Variants in KIDINS220 observed in about 807,000 individuals in gnomAD.
The protein encoded by KIDINS220 is kinase D interacting substrate 220.
A neutral mutation model predicts 157.6 loss-of-function variants in KIDINS220; 63 were observed. That is an observed-to-expected ratio of 0.40 (90% CI 0.33 to 0.49). The LOEUF (loss-of-function observed/expected upper bound fraction) is 0.49, where lower values mean the gene tolerates loss of function less well. Among genes scored for constraint, KIDINS220 ranks in the 20% least tolerant of loss-of-function variants. The probability of loss-of-function intolerance (pLI) is 0.66; values close to 1 mark genes in which losing one functional copy is unlikely to be tolerated. For synonymous variants in KIDINS220, 732 were observed against 783.6 expected, an observed-to-expected ratio of 0.93 and a Z score of 1.10; for missense variants, 1,772 against 2,171.2, an observed-to-expected ratio of 0.82 and a Z score of 3.65.
chr2:8,772,533 T>C (rs969429789), intron 21 of KIDINS220, among the ~76,000 whole-genome samples: 1 of 151,918 alleles, frequency 6.6e-6, no homozygotes, highest in Non-Finnish European at 1.5e-5. Flanking sequence ...TAAGAATATA[T>C]CTAGCCTATA....
chr2:8,800,866 A>C (rs1024451858), intron 8 of KIDINS220, among the ~76,000 whole-genome samples: 1 of 152,242 alleles, frequency 6.6e-6, no homozygotes, highest in Non-Finnish European at 1.5e-5. Flanking sequence ...AAAATCATAT[A>C]GTAAAAATAT....
At position 8,747,907 on chromosome 2, in the gene KIDINS220, T is replaced by C. The variant is rs1218681910; in HGVS notation, c.3508A>G (p.Arg1170Gly). The C allele has an allele frequency of 6.2e-7, 1 of 1,604,050 alleles. No homozygotes were observed. The highest frequency in any genetic ancestry group is 1.7e-5 in the Admixed American group (1 of 58,034). ...CTTACTAGGCCATTGTTCTGATCTC[T>C]GGGCAAACTCGTTTTTACTGATGGA... ...SRPSVKTSLP[R>G]DQNNGLEVIK... The change falls in exon 25 of 30, where the codon AGA becomes GGA. Residue 1170 changes from arginine to glycine, a missense_variant. By Grantham distance (125) the Arg-to-Gly change is moderately radical (BLOSUM62 -2). Transcript: ENST00000256707.
intron 14 of KIDINS220, among the ~76,000 whole-genome samples, chr2:8,789,039 A>C (rs2148264344): frequency 6.6e-6 from 1 of 152,258 alleles, no homozygotes; most frequent in Middle Eastern, 3.4e-3. Context: ...CAGAAACATA[A>C]CTGCAGTTCA....
intron 7 of KIDINS220, among the ~76,000 whole-genome samples, 184 bp downstream of exon 7, chr2:8,806,087 C>T (rs1034988482): frequency 2.1e-4 from 32 of 152,100 alleles, no homozygotes; most frequent in African/African-American, 7.7e-4. Context: ...TTAAAAGCAT[C>T]TATTTATAGT....
chr2:8,727,302 G>C (rs766319959), downstream of KIDINS220: 222 of 1,037,500 alleles, frequency 2.1e-4, no homozygotes, highest in African/African-American at 1.8e-3. Context: ...GAGGCTCGAT[G>C]CTCAGTCTGG....
intron 4 of KIDINS220, among the ~76,000 whole-genome samples, chr2:8,816,186 G>A (rs1461311468): frequency 1.3e-5 from 2 of 152,144 alleles, no homozygotes; most frequent in African/African-American, 4.8e-5. Flanking sequence ...AGCCAAAAAA[G>A]TTTAAGAAAT....
chr2:8,809,862 C>T (rs1414346993), intron 6 of KIDINS220, among the ~76,000 whole-genome samples: 1 of 152,062 alleles, frequency 6.6e-6, no homozygotes. Context: ...TTGCAACCAC[C>T]TACTACACTA....
At chr2:8,770,608 T>G (rs1249450756) in intron 22 of KIDINS220, 62 bp downstream of exon 22, 5 of 373,872 alleles carry the variant, frequency 1.3e-5, no homozygotes, top group Non-Finnish European at 1.6e-5. Flanking sequence ...TTATACGCGT[T>G]TTTTTTTTTT....
downstream of KIDINS220, chr2:8,723,760 T>G (rs558611549): frequency 6.6e-6 from 1 of 152,316 alleles, no homozygotes; most frequent in South Asian, 2.1e-4. Context: ...AAGTAAAATG[T>G]AGAGTTGAAC....
chr2:8,830,661 C>T (rs555822679), intron 1 of KIDINS220, among the ~76,000 whole-genome samples: 4 of 152,248 alleles, frequency 2.6e-5, no homozygotes, highest in African/African-American at 4.8e-5. Flanking sequence ...TCAAGTGATG[C>T]GCCTGCCTCT....
intron 6 of KIDINS220, among the ~76,000 whole-genome samples, chr2:8,810,184 G>A (rs111598539): frequency 0.013 from 1,920 of 152,220 alleles, 53 homozygotes; most frequent in African/African-American, 0.044. Flanking sequence ...TGACTGCTGC[G>A]CCATCAGTGA....
chr2:8,783,015 C>A (rs13383492), intron 17 of KIDINS220, among the ~76,000 whole-genome samples: 1 of 151,708 alleles, frequency 6.6e-6, no homozygotes. Flanking sequence ...CTGATCAACA[C>A]GGTGAAACTC....
chr2:8,759,882 T>C (rs1424538102), intron 22 of KIDINS220, among the ~76,000 whole-genome samples: 1 of 152,144 alleles, frequency 6.6e-6, no homozygotes, highest in Non-Finnish European at 1.5e-5. Context: ...CTAACTTCTC[T>C]CTCTGCATCC....
Position 8,789,868 on chromosome 2 carries a change from G to A in KIDINS220, c.1621+12C>T. Reference sequence around the variant, plus strand: ...TCTCCATTTTTGAAAAAGATAAAAAGCAAAGACTTACTAAAGAATATATAT... The same window carrying A: ...TCTCCATTTTTGAAAAAGATAAAAAACAAAGACTTACTAAAGAATATATAT... On this transcript the variant is annotated intron_variant, in intron 14 of 29. Coordinates refer to ENST00000256707, the MANE Select transcript of KIDINS220 (RefSeq NM_020738.4). 1.3e-6 allele frequency: 2 copies of A among 1,562,928 alleles called. No individual in the cohort carries two copies. Among genetic ancestry groups the A allele is most frequent in the South Asian group, 2.4e-5 (2 of 82,586 alleles).
chr2:8,728,396 G>C (rs1160127551), downstream of KIDINS220, among the ~76,000 whole-genome samples: 2 of 152,116 alleles, frequency 1.3e-5, no homozygotes, highest in Non-Finnish European at 2.9e-5. Context: ...TAGAATCTAA[G>C]GGCAAGATTA....
intron 22 of KIDINS220, among the ~76,000 whole-genome samples, chr2:8,769,048 G>C (rs754094400): frequency 4.6e-5 from 7 of 152,144 alleles, no homozygotes; most frequent in Non-Finnish European, 1.0e-4. Flanking sequence ...ATCCAGCCCA[G>C]TCATAGATGG....
intron 29 of KIDINS220, 38 bp downstream of exon 29, chr2:8,733,406 A>G (rs199648525): frequency 6.6e-6 from 10 of 1,518,542 alleles, no homozygotes; most frequent in Middle Eastern, 1.7e-4. Context: ...CGGTGTGCTT[A>G]TTCTTCAATA....
At chr2:8,736,326 G>T (rs755789) in intron 27 of KIDINS220, among the ~76,000 whole-genome samples, 10,208 of 152,052 alleles carry the variant, frequency 0.067, 1,096 homozygotes, top group African/African-American at 0.23. Flanking sequence ...ATTGCAATAG[G>T]ATCTTAGAAG....
intron 21 of KIDINS220, among the ~76,000 whole-genome samples, chr2:8,772,435 C>T (rs1012416183): frequency 6.6e-6 from 1 of 151,764 alleles, no homozygotes; most frequent in East Asian, 1.9e-4. Flanking sequence ...AAGATCACAC[C>T]ACCGCACTCC....
Sources: allele counts gnomAD v4.1 joint callset (sites outside exome capture counted in the v4.1 genomes callset), GRCh38; gene constraint gnomAD v4.1.1; transcripts MANE v1.5; gene names NCBI Gene and HGNC (gene_info 2026-07-23, HGNC 2026-07-21).